The following RASAL2 variants were observed in gnomAD, a reference collection of about 807,000 sequenced individuals.
The protein encoded by RASAL2 is RAS protein activator like 2.
A neutral mutation model predicts 128.9 loss-of-function variants in RASAL2; 58 were observed. The observed-to-expected ratio is 0.45, with a 90% CI of 0.36 to 0.56. The LOEUF is 0.56. RASAL2 is among the 20% of genes least tolerant of loss of function. RASAL2 has a pLI of 0.00. For synonymous variants in RASAL2, 561 were observed against 580.8 expected (o/e 0.97, Z 0.49); for missense variants, 1,360 against 1,601.6 (o/e 0.85, Z 2.57).
intron 1 of RASAL2, among the ~76,000 whole-genome samples, chr1:178,138,196 C>T (rs1311248307): frequency 6.6e-6 from 1 of 152,074 alleles, no homozygotes; most frequent in Non-Finnish European, 1.5e-5. Flanking sequence ...TATTTGACTG[C>T]ACAGGGAGAA....
intron 1 of RASAL2, among the ~76,000 whole-genome samples, chr1:178,248,496 T>C (rs1330204149): frequency 6.6e-6 from 1 of 152,204 alleles, no homozygotes; most frequent in African/African-American, 2.4e-5. Flanking sequence ...TGACCCTTTA[T>C]CTAGTTTACC....
intron 1 of RASAL2, among the ~76,000 whole-genome samples, chr1:178,224,042 A>G (rs946438775): frequency 1.3e-5 from 2 of 152,178 alleles, no homozygotes; most frequent in African/African-American, 4.8e-5. Context: ...AAGACAAAGT[A>G]TGAACTGGAG....
chr1:178,326,874 T>G (rs1383460288), intron 3 of RASAL2, among the ~76,000 whole-genome samples: 2 of 152,186 alleles, frequency 1.3e-5, no homozygotes, highest in Admixed American at 6.6e-5. Context: ...AACCCCCTTT[T>G]TCTCCCATTT....
chr1:178,366,729 A>T (rs569992002), intron 3 of RASAL2, among the ~76,000 whole-genome samples: 1 of 152,186 alleles, frequency 6.6e-6, no homozygotes, highest in South Asian at 2.1e-4. Context: ...AACAACCCAA[A>T]TGTCCATTAG....
chr1:178,161,087 A>G (rs1463117302), intron 1 of RASAL2, among the ~76,000 whole-genome samples: 1 of 140,674 alleles, frequency 7.1e-6, no homozygotes, highest in Non-Finnish European at 1.5e-5. Flanking sequence ...AGAGTTTTCT[A>G]ACACATTTTT....
Position 178,404,957 on chromosome 1 carries a change from C to T in RASAL2, c.564+14751C>T, listed in dbSNP as rs1419628714. On this transcript the variant is annotated intron_variant, in intron 4 of 17. Transcript: ENST00000367649. ...TCGGCCTCTCGAAGCGCTGGGATTA[C>T]AGGGATGAGCCACAGCACCTAGCCG... Among the ~76,000 whole-genome samples the T allele has an allele frequency of 2.6e-5, 4 of 152,216 alleles. No individual in the cohort carries two copies. The South Asian group carries it at 6.2e-4, about 24-fold the overall frequency.
intron 1 of RASAL2, among the ~76,000 whole-genome samples, chr1:178,113,743 G>A (rs1373050140): frequency 6.6e-6 from 1 of 152,050 alleles, no homozygotes; most frequent in Non-Finnish European, 1.5e-5. Flanking sequence ...TTTTGATTGG[G>A]ATTGTGTTAA....
chr1:178,289,463 C>A (rs879312104), intron 2 of RASAL2, among the ~76,000 whole-genome samples: 5 of 152,048 alleles, frequency 3.3e-5, no homozygotes, highest in Admixed American at 6.5e-5. Flanking sequence ...TATTTTATAT[C>A]TTAAAACTAC....
chr1:178,279,293 A>T (rs887286472), intron 1 of RASAL2, among the ~76,000 whole-genome samples: 4 of 152,054 alleles, frequency 2.6e-5, no homozygotes, highest in Admixed American at 2.0e-4. Flanking sequence ...CTTTTGTGTT[A>T]TTCATCCACC....
At chr1:178,244,860 G>A (rs1218150166) in intron 1 of RASAL2, among the ~76,000 whole-genome samples, 2 of 152,050 alleles carry the variant, frequency 1.3e-5, no homozygotes, top group Non-Finnish European at 2.9e-5. Flanking sequence ...GTTTGCTGAG[G>A]GTGATGGTTT....
intron 3 of RASAL2, among the ~76,000 whole-genome samples, chr1:178,331,577 A>G (rs1489743914): frequency 2.1e-5 from 3 of 142,024 alleles, no homozygotes; most frequent in Non-Finnish European, 3.0e-5. Flanking sequence ...ATGTAACTTC[A>G]TGCATCTTTT....
intron 3 of RASAL2, among the ~76,000 whole-genome samples, chr1:178,309,702 G>GT (rs1404908207): frequency 6.6e-6 from 1 of 152,088 alleles, no homozygotes; most frequent in Non-Finnish European, 1.5e-5. Context: ...AGACAAAGTG[G>GT]TTAGGGGCAC....
chr1:178,371,322 C>A (rs1012389896), intron 3 of RASAL2, among the ~76,000 whole-genome samples: 6 of 124,476 alleles, frequency 4.8e-5, no homozygotes, highest in African/African-American at 1.4e-4. Flanking sequence ...GCCTTCTTTC[C>A]CACACACACA....
rs1000785868 is a variant in RASAL2, at chr1:178,421,634, A to G, written c.674+1014A>G. ...CTCAGGTCTGCCTCTCATATTTGATACTCTTATTTATGTTTTACTTTTTTT... is the reference window on the plus strand; with the variant it reads ...CTCAGGTCTGCCTCTCATATTTGATGCTCTTATTTATGTTTTACTTTTTTT... On this transcript the variant is annotated intron_variant, in intron 5 of 17. Coordinates refer to ENST00000367649, the MANE Select transcript of RASAL2 (RefSeq NM_170692.4). 2.0e-5 allele frequency among the ~76,000 whole-genome samples: 3 copies of G among 151,700 alleles called. No individual in the cohort carries two copies. In the East Asian group the frequency reaches 5.8e-4, roughly 29 times the overall value.
At chr1:178,376,911 A>G (rs2102544273) in intron 3 of RASAL2, among the ~76,000 whole-genome samples, 1 of 152,246 alleles carries the variant, frequency 6.6e-6, no homozygotes, top group Middle Eastern at 3.4e-3. Context: ...CTCTTATTCT[A>G]CTACTATTCT....
intron 3 of RASAL2, among the ~76,000 whole-genome samples, chr1:178,359,967 C>T (rs1671021956): frequency 6.6e-6 from 1 of 152,126 alleles, no homozygotes; most frequent in Admixed American, 6.5e-5. Flanking sequence ...TCCCACAACA[C>T]ATGAGTCTGC....
chr1:178,180,870 T>C (rs1015505677), intron 1 of RASAL2, among the ~76,000 whole-genome samples: 1 of 151,960 alleles, frequency 6.6e-6, no homozygotes, highest in Non-Finnish European at 1.5e-5. Context: ...AAAGACATAA[T>C]TGAAGCTGGG....
chr1:178,468,009 G>T (rs1448335606), intron 17 of RASAL2, among the ~76,000 whole-genome samples: 1 of 152,190 alleles, frequency 6.6e-6, no homozygotes, highest in Non-Finnish European at 1.5e-5. Flanking sequence ...AAAAAGAAAA[G>T]GTTGTTGAAA....
At chr1:178,378,365 GCAAAAATGGA>G (rs1672105689) in intron 3 of RASAL2, among the ~76,000 whole-genome samples, 1 of 151,870 alleles carries the variant, frequency 6.6e-6, no homozygotes, top group Admixed American at 6.6e-5. Context: ...ATTTTATTTG[GCAAAAATGGA>G]CAGAAATGGA....
Sources: gnomAD v4.1 joint callset for allele counts (sites outside exome capture counted in the v4.1 genomes callset) on GRCh38, gnomAD v4.1.1 for gene constraint, MANE v1.5 for transcripts, NCBI Gene and HGNC (gene_info 2026-07-23, HGNC 2026-07-21) for gene names.